CSNK2A1: variants seen among roughly 807,000 people sequenced by gnomAD.
The protein encoded by CSNK2A1 is casein kinase 2 alpha 1, also known as casein kinase II subunit alpha.
CSNK2A1 carries 10 observed loss-of-function variants against 62.9 expected under a neutral mutation model. The observed-to-expected ratio is 0.16, with a 90% CI of 0.10 to 0.27. The LOEUF (loss-of-function observed/expected upper bound fraction) is 0.27, where lower values mean the gene tolerates loss of function less well. Among genes scored for constraint, CSNK2A1 ranks in the 10% least tolerant of loss-of-function variants. CSNK2A1 has a pLI of 1.00. For missense variants in CSNK2A1, 160 were observed against 492.0 expected, an observed-to-expected ratio of 0.33 and a Z score of 6.38; for synonymous variants, 124 against 167.8, an observed-to-expected ratio of 0.74 and a Z score of 2.02.
At chr20:529,314 T>C (rs2019163464) in intron 1 of CSNK2A1, among the ~76,000 whole-genome samples, 1 of 151,924 alleles carries the variant, frequency 6.6e-6, no homozygotes, top group Non-Finnish European at 1.5e-5. Flanking sequence ...GCATGAGCCA[T>C]TGCACCCAGC....
chr20:537,218 T>C (rs2019351827), intron 1 of CSNK2A1, among the ~76,000 whole-genome samples: 1 of 152,060 alleles, frequency 6.6e-6, no homozygotes, highest in East Asian at 1.9e-4. Flanking sequence ...ACATAAAAAA[T>C]TATAAAACAT....
rs75285789 is a variant in CSNK2A1 at position 511,867 on chromosome 20, A to G, written c.-109-3207T>C. Among the ~76,000 whole-genome samples the G allele has an allele frequency of 3.1e-3, 470 of 152,292 alleles. 2 individuals carry two copies. The highest frequency in any genetic ancestry group is 5.4e-3 in the Non-Finnish European group (366 of 68,026). ...CCTCGCTTTCAAATCTTTTATGTATATATCCAGAAGTGGAACTGCTGAACC... is the reference window on the plus strand; with the variant it reads ...CCTCGCTTTCAAATCTTTTATGTATGTATCCAGAAGTGGAACTGCTGAACC... On this transcript the variant is annotated intron_variant, in intron 2 of 13. Coordinates refer to ENST00000217244, the MANE Select transcript of CSNK2A1 (RefSeq NM_177559.3).
At chr20:489,962 TAAAAAA>T in intron 9 of CSNK2A1, 81 bp from the exon 10 acceptor site, 1 of 1,019,112 alleles carries the variant, frequency 9.8e-7, no homozygotes. Flanking sequence ...TTTTTAAAAT[TAAAAAA>T]AAATCACTCC....
At position 477,075 on chromosome 20, in the gene CSNK2A1, G is replaced by A. The variant is rs567600428; in HGVS notation, c.*6886C>T. The A allele has an allele frequency of 1.3e-5, 2 of 152,274 alleles. No homozygotes were observed. Among genetic ancestry groups the A allele is most frequent in the Non-Finnish European group, 2.9e-5 (2 of 68,220 alleles). The allele number at this position is 152,274 out of a possible 1,614,324, so 9.4% of individuals were successfully genotyped here. On this transcript the variant is annotated 3_prime_UTR_variant, in exon 14 of 14. Transcript: ENST00000217244. ...CCAGCTAATTTTTAATTTTGGTAGA[G>A]ACAGGGTCTCCCTATGTTGCCCAGG... is the stretch of plus-strand genomic sequence containing the variant.
intron 4 of CSNK2A1, chr20:503,248 G>A (rs760661805): frequency 8.5e-5 from 31 of 366,762 alleles, no homozygotes; most frequent in Middle Eastern, 6.9e-4. Context: ...AGGCTCAAGC[G>A]ATCCTCCCAC....
chr20:490,307 A>G (rs1485411374), intron 9 of CSNK2A1, among the ~76,000 whole-genome samples: 4 of 132,210 alleles, frequency 3.0e-5, no homozygotes, highest in Non-Finnish European at 6.1e-5. Flanking sequence ...GATTACAGGC[A>G]TGACCCACCG....
chr20:484,165 A>ATAATTCTTT (rs2018017422), intron 13 of CSNK2A1, 89 bp from the exon 14 acceptor site: 6 of 1,073,928 alleles, frequency 5.6e-6, no homozygotes, highest in Non-Finnish European at 7.7e-6. Flanking sequence ...AAGGAACACA[A>ATAATTCTTT]TAATTCTTTA....
chr20:510,246 C>T (rs2018690496), intron 2 of CSNK2A1: 1 of 150,846 alleles, frequency 6.6e-6, no homozygotes, highest in South Asian at 2.1e-4. Flanking sequence ...GATCTTGGCT[C>T]ACCACAACCT....
chr20:525,400 C>T (rs2019059127), intron 2 of CSNK2A1, among the ~76,000 whole-genome samples: 1 of 152,006 alleles, frequency 6.6e-6, no homozygotes, highest in Non-Finnish European at 1.5e-5. Context: ...CGCCTGTAAT[C>T]CCAGCACTGT....
intron 1 of CSNK2A1, among the ~76,000 whole-genome samples, chr20:542,597 T>G (rs903710515): frequency 4.6e-5 from 7 of 152,078 alleles, no homozygotes; most frequent in African/African-American, 1.7e-4. Flanking sequence ...CAAGCCCGGC[T>G]GATATTTGCA....
chr20:523,551 T>C (rs1037147783), intron 2 of CSNK2A1, among the ~76,000 whole-genome samples: 2 of 152,196 alleles, frequency 1.3e-5, no homozygotes, highest in African/African-American at 2.4e-5. Flanking sequence ...AGTCTCAAAA[T>C]ATTACATAAT....
chr20:478,676 C>T lies in CSNK2A1; in HGVS notation c.*5285G>A, dbSNP rs1228852852. The T allele has an allele frequency of 7.0e-6, 3 of 427,414 alleles. No individual in the cohort carries two copies. The highest frequency in any genetic ancestry group is 6.4e-5 in the African/African-American group (3 of 47,048). 26.5% of individuals were successfully genotyped at this position (427,414 alleles called of 1,614,324 possible). On this transcript the variant is annotated 3_prime_UTR_variant, in exon 14 of 14. Transcript: ENST00000217244. ...AGGTGTGGTGGCTCATGCCTCTAATCTCAGCACTTTGGGAGGCCAAGGCGG... is the reference window on the plus strand; with the variant it reads ...AGGTGTGGTGGCTCATGCCTCTAATTTCAGCACTTTGGGAGGCCAAGGCGG...
intron 9 of CSNK2A1, 121 bp downstream of exon 9, chr20:492,133 A>C: frequency 5.9e-6 from 4 of 677,254 alleles, no homozygotes; most frequent in Non-Finnish European, 1.0e-5. Context: ...TATAAAAAGG[A>C]CAGCTGTGAA....
At chr20:534,426 T>G (rs999779095) in intron 1 of CSNK2A1, among the ~76,000 whole-genome samples, 2 of 152,260 alleles carry the variant, frequency 1.3e-5, no homozygotes, top group African/African-American at 2.4e-5. Context: ...CAGGCCACAA[T>G]TGTATAAAAA....
At chr20:502,137 A>G (rs1466270647) in intron 4 of CSNK2A1, 2 of 152,266 alleles carry the variant, frequency 1.3e-5, no homozygotes, top group East Asian at 1.9e-4. Flanking sequence ...CAGTTAGAAC[A>G]GGTCCAATGC....
chr20:515,293 T>A (rs992548108), intron 2 of CSNK2A1, among the ~76,000 whole-genome samples: 2 of 152,224 alleles, frequency 1.3e-5, no homozygotes, highest in African/African-American at 4.8e-5. Flanking sequence ...GACAGACTGT[T>A]GGTGCCATTC....
chr20:538,338 A>G (rs900474625), intron 1 of CSNK2A1, among the ~76,000 whole-genome samples: 2 of 152,188 alleles, frequency 1.3e-5, no homozygotes, highest in Non-Finnish European at 2.9e-5. Context: ...TAGGGCTGAG[A>G]TATCTTAGTA....
intron 7 of CSNK2A1, among the ~76,000 whole-genome samples, chr20:496,976 G>A (rs983242876): frequency 1.1e-4 from 16 of 152,134 alleles, no homozygotes; most frequent in Admixed American, 6.5e-5. Context: ...GTGTTTTCAC[G>A]AGTTTTGAAA....
chr20:509,807 G>A (rs2018677895), intron 2 of CSNK2A1, among the ~76,000 whole-genome samples: 1 of 152,056 alleles, frequency 6.6e-6, no homozygotes, highest in Admixed American at 6.6e-5. Context: ...GAACTCCCAG[G>A]CTCAAGCAAT....
Sources: allele counts gnomAD v4.1 joint callset (sites outside exome capture counted in the v4.1 genomes callset), GRCh38; gene constraint gnomAD v4.1.1; transcripts MANE v1.5; gene names NCBI Gene and HGNC (gene_info 2026-07-23, HGNC 2026-07-21).